NCBP1: variants seen among roughly 807,000 people sequenced by gnomAD.
The protein encoded by NCBP1 is nuclear cap binding protein subunit 1.
In NCBP1, 16 loss-of-function variants were observed where a neutral mutation model predicts 111.7. The observed-to-expected ratio is 0.14, with a 90% CI of 0.10 to 0.22. NCBP1 has a LOEUF of 0.22. NCBP1 is among the 10% of genes least tolerant of loss of function. The pLI is 1.00. For missense variants in NCBP1, 607 were observed against 957.5 expected (o/e 0.63, Z 4.83); for synonymous variants, 304 against 314.3 (o/e 0.97, Z 0.35).
chr9:97,638,077 G>A (rs1827101602), intron 1 of NCBP1, among the ~76,000 whole-genome samples: 1 of 152,180 alleles, frequency 6.6e-6, no homozygotes, highest in Non-Finnish European at 1.5e-5. Flanking sequence ...GGTACATTGA[G>A]CGAATTCCCC....
chr9:97,657,081 C>T (rs1044752210), intron 14 of NCBP1, among the ~76,000 whole-genome samples: 1 of 152,202 alleles, frequency 6.6e-6, no homozygotes, highest in Non-Finnish European at 1.5e-5. Flanking sequence ...CATTCTCCTG[C>T]CTCAGCCTCC....
intron 8 of NCBP1, 85 bp downstream of exon 8, chr9:97,648,308 A>G (rs1261180385): frequency 1.5e-5 from 19 of 1,272,664 alleles, no homozygotes; most frequent in Non-Finnish European, 2.0e-5. Context: ...TGCCTGTGGT[A>G]TGTTTTAATT....
At chr9:97,660,335 A>G (rs1827795591) in intron 15 of NCBP1, among the ~76,000 whole-genome samples, 1 of 152,222 alleles carries the variant, frequency 6.6e-6, no homozygotes, top group South Asian at 2.1e-4. Flanking sequence ...TACGGTGTAT[A>G]TTAGCACAAA....
chr9:97,660,398 C>A (rs1418280605), intron 15 of NCBP1, among the ~76,000 whole-genome samples: 1 of 152,046 alleles, frequency 6.6e-6, no homozygotes, highest in African/African-American at 2.4e-5. Context: ...ACAAGGAGTC[C>A]CATCACGTGA....
At chr9:97,654,471 A>G (rs1450140539) in intron 11 of NCBP1, among the ~76,000 whole-genome samples, 1 of 152,134 alleles carries the variant, frequency 6.6e-6, no homozygotes, top group African/African-American at 2.4e-5. Flanking sequence ...AAAAATTACC[A>G]GTATGTGACA....
chr9:97,650,726 T>C (rs1212791571), intron 9 of NCBP1, 126 bp downstream of exon 9: 2 of 711,034 alleles, frequency 2.8e-6, no homozygotes, highest in Non-Finnish European at 4.7e-6. Context: ...CTTGCTAAAA[T>C]CAATTTCTAA....
chr9:97,662,929 AT>A lies in NCBP1; in HGVS notation c.1704-18del, dbSNP rs765402687. ...TGTTTAATGAATAAGTATATATGGTATTTTTTTCCCATCATTATCAAAAGGT... is the reference window on the plus strand; with the variant it reads ...TGTTTAATGAATAAGTATATATGGTATTTTTTCCCATCATTATCAAAAGGT... On this transcript the variant is annotated intron_variant, in intron 17 of 22. Coordinates refer to ENST00000375147, the MANE Select transcript of NCBP1 (RefSeq NM_002486.5). The A allele has an allele frequency of 3.1e-4, 480 of 1,537,690 alleles. 1 individual carries two copies. Among genetic ancestry groups the A allele is most frequent in the Admixed American group, 4.9e-4 (27 of 54,964 alleles).
At chr9:97,646,794 G>A (rs1827348964) in intron 6 of NCBP1, among the ~76,000 whole-genome samples, 1 of 142,274 alleles carries the variant, frequency 7.0e-6, no homozygotes. Context: ...CCGACATGGT[G>A]CCGCCACTGC....
At chr9:97,662,740 G>A (rs1587722400) in intron 17 of NCBP1, among the ~76,000 whole-genome samples, 2 of 152,244 alleles carry the variant, frequency 1.3e-5, no homozygotes, top group East Asian at 3.9e-4. Flanking sequence ...CTGGGCTAAC[G>A]GTAGTATATT....
chr9:97,666,913 A>C, intron 20 of NCBP1, 36 bp downstream of exon 20: 1 of 1,370,744 alleles, frequency 7.3e-7, no homozygotes, highest in Non-Finnish European at 1.0e-6. Flanking sequence ...AGTTAAAGAA[A>C]ATATACCAGA....
intron 4 of NCBP1, 149 bp downstream of exon 4, chr9:97,643,509 C>T (rs1827256222): frequency 1.2e-6 from 1 of 808,042 alleles, no homozygotes; most frequent in African/African-American, 1.8e-5. Flanking sequence ...ACGATACCCC[C>T]AAATCTGTAA....
chr9:97,652,294 G>A (rs1827519268), intron 10 of NCBP1, among the ~76,000 whole-genome samples: 1 of 152,198 alleles, frequency 6.6e-6, no homozygotes, highest in African/African-American at 2.4e-5. Flanking sequence ...GAGCCACTGT[G>A]CCCAGCCCAC....
At chr9:97,652,195 G>A (rs541416386) in intron 10 of NCBP1, among the ~76,000 whole-genome samples, 72 of 152,268 alleles carry the variant, frequency 4.7e-4, no homozygotes, top group African/African-American at 1.7e-3. Context: ...GTAGAGACAG[G>A]GTTTCACCAT....
At chr9:97,664,565 C>T (rs769444069) in intron 19 of NCBP1, 122 bp downstream of exon 19, 91 of 631,438 alleles carry the variant, frequency 1.4e-4, no homozygotes, top group Admixed American at 8.6e-5. Context: ...ATGGTCCAAT[C>T]TGGTAGGATT....
rs746461287 is a variant in NCBP1, at chr9:97,640,903, A to G, written c.123+21A>G. On this transcript the variant is annotated intron_variant, in intron 2 of 22. Coordinates refer to ENST00000375147, the MANE Select transcript of NCBP1 (RefSeq NM_002486.5). ...AAAAGGTATGTCACACAATAGGCAC[A>G]GGCTGTGATGGGTTTAAGAATGTGG... The G allele has an allele frequency of 1.2e-5, 19 of 1,523,048 alleles. No individual in the cohort carries two copies. In the Admixed American group the frequency reaches 3.2e-4, roughly 26 times the overall value. 94.3% of individuals were successfully genotyped at this position (1,523,048 alleles called of 1,614,324 possible).
chr9:97,641,778 T>C (rs374624617), intron 3 of NCBP1, 116 bp downstream of exon 3: 4 of 1,108,508 alleles, frequency 3.6e-6, no homozygotes, highest in Non-Finnish European at 4.6e-6. Flanking sequence ...TTTACTTCTA[T>C]GGGGAAATTT....
intron 1 of NCBP1, among the ~76,000 whole-genome samples, chr9:97,639,232 A>G (rs958016673): frequency 1.9e-4 from 29 of 152,168 alleles, no homozygotes; most frequent in African/African-American, 7.0e-4. Flanking sequence ...TATCATGGTA[A>G]TTAATGGGTT....
At chr9:97,643,083 A>G in intron 3 of NCBP1, 121 bp from the exon 4 acceptor site, 1 of 956,968 alleles carries the variant, frequency 1.0e-6, no homozygotes, top group Non-Finnish European at 1.5e-6. Flanking sequence ...GTATTTTTAA[A>G]GACATAGCTA....
intron 3 of NCBP1, 122 bp downstream of exon 3, chr9:97,641,784 A>T: frequency 9.3e-7 from 1 of 1,075,318 alleles, no homozygotes; most frequent in Non-Finnish European, 1.2e-6. Flanking sequence ...TCTATGGGGA[A>T]ATTTGTACAA....
Sources: allele counts gnomAD v4.1 joint callset (sites outside exome capture counted in the v4.1 genomes callset), GRCh38; gene constraint gnomAD v4.1.1; transcripts MANE v1.5; gene names NCBI Gene and HGNC (gene_info 2026-07-23, HGNC 2026-07-21).